KIAA0825: variants seen among roughly 807,000 people sequenced by gnomAD.
KIAA0825 encodes uncharacterized protein KIAA0825.
In KIAA0825, 119 loss-of-function variants were observed where a neutral mutation model predicts 147.6. The observed-to-expected ratio is 0.81, with a 90% confidence interval of 0.69 to 0.94. KIAA0825 has a LOEUF of 0.94. Ranked by LOEUF, KIAA0825 falls within the 40% of genes least tolerant of loss-of-function variation. The probability of loss-of-function intolerance (pLI) is 0.00; values close to 1 mark genes in which losing one functional copy is unlikely to be tolerated. For synonymous variants in KIAA0825, 470 were observed against 518.1 expected (o/e 0.91, Z 1.26); for missense variants, 1,381 against 1,472.7 (o/e 0.94, Z 1.02).
intron 20 of KIAA0825, among the ~76,000 whole-genome samples, chr5:94,162,335 T>C (rs919666530): frequency 2.0e-5 from 3 of 152,204 alleles, no homozygotes; most frequent in Admixed American, 1.3e-4. Context: ...GGTCTCACTC[T>C]GTTGCCCAGG....
At chr5:94,258,426 G>A (rs1776344967) in intron 20 of KIAA0825, among the ~76,000 whole-genome samples, 1 of 151,936 alleles carries the variant, frequency 6.6e-6, no homozygotes, top group Non-Finnish European at 1.5e-5. Context: ...TAAGGCATTT[G>A]CCAATAGAAT....
At chr5:94,364,770 G>GATT (rs1745593020) in intron 20 of KIAA0825, among the ~76,000 whole-genome samples, 1 of 152,134 alleles carries the variant, frequency 6.6e-6, no homozygotes, top group Admixed American at 6.6e-5. Flanking sequence ...GATAGTGAGG[G>GATT]TAATGAAGTC....
At chr5:94,205,987 T>A (rs1772163743) in intron 20 of KIAA0825, among the ~76,000 whole-genome samples, 1 of 152,216 alleles carries the variant, frequency 6.6e-6, no homozygotes, top group African/African-American at 2.4e-5. Flanking sequence ...TGTTAGTTTT[T>A]TTGTTCCGTT....
intron 15 of KIAA0825, among the ~76,000 whole-genome samples, chr5:94,404,987 TAACA>T (rs2150634998): frequency 6.6e-6 from 1 of 152,186 alleles, no homozygotes; most frequent in East Asian, 1.9e-4. Context: ...AAGAAGAAAA[TAACA>T]AATACTTCAC....
chr5:94,593,189 C>T (rs1784654986), intron 1 of KIAA0825: 3 of 752,068 alleles, frequency 4.0e-6, no homozygotes, highest in Non-Finnish European at 7.5e-6. Flanking sequence ...GCACTAGTTA[C>T]AGAAGCATGG....
At chr5:94,528,182 G>A (rs919246264) in intron 3 of KIAA0825, among the ~76,000 whole-genome samples, 10 of 152,054 alleles carry the variant, frequency 6.6e-5, no homozygotes, top group African/African-American at 1.2e-4. Context: ...TTTCTCATAC[G>A]TATCCTTTCC....
chr5:94,498,894 T>C (rs1340640568), intron 5 of KIAA0825, among the ~76,000 whole-genome samples: 3 of 152,200 alleles, frequency 2.0e-5, no homozygotes, highest in Non-Finnish European at 4.4e-5. Context: ...TTCTTTACAC[T>C]AAAATCTCCC....
intron 20 of KIAA0825, among the ~76,000 whole-genome samples, chr5:94,306,741 G>A (rs990710223): frequency 3.3e-5 from 5 of 151,686 alleles, no homozygotes; most frequent in Non-Finnish European, 7.4e-5. Context: ...TAACAATACC[G>A]AGCAATACTG....
chr5:94,464,243 A>G (rs905417481), intron 11 of KIAA0825, among the ~76,000 whole-genome samples: 1 of 152,144 alleles, frequency 6.6e-6, no homozygotes, highest in Non-Finnish European at 1.5e-5. Context: ...CACAATTCAT[A>G]TATTCATTGC....
At chr5:94,328,554 A>G (rs1222348860) in intron 20 of KIAA0825, among the ~76,000 whole-genome samples, 1 of 152,120 alleles carries the variant, frequency 6.6e-6, no homozygotes, top group Non-Finnish European at 1.5e-5. Context: ...ATCAGCATGT[A>G]CTACTTTTAA....
chr5:94,318,574 T>C (rs897201784), intron 20 of KIAA0825, among the ~76,000 whole-genome samples: 5 of 151,818 alleles, frequency 3.3e-5, no homozygotes, highest in South Asian at 2.1e-4. Context: ...CCACCAATTA[T>C]TGGAGACTAG....
intron 1 of KIAA0825, among the ~76,000 whole-genome samples, chr5:94,601,516 C>T (rs1445822459): frequency 6.6e-6 from 1 of 152,158 alleles, no homozygotes; most frequent in Non-Finnish European, 1.5e-5. Context: ...GACCACATCA[C>T]CTTTCCAGCA....
At chr5:94,314,120 A>G (rs1584082503) in intron 20 of KIAA0825, among the ~76,000 whole-genome samples, 1 of 151,666 alleles carries the variant, frequency 6.6e-6, no homozygotes, top group South Asian at 2.1e-4. Flanking sequence ...AGAAAAAAGA[A>G]GGATCTATTA....
At position 94,302,992 on chromosome 5, in the gene KIAA0825, G is replaced by A. The variant is rs776496758; in HGVS notation, c.3710+81376C>T. 2.0e-5 allele frequency among the ~76,000 whole-genome samples: 3 copies of A among 152,046 alleles called. No individual in the cohort carries two copies. In the South Asian group the frequency reaches 6.2e-4, roughly 32 times the overall value. On this transcript the variant is annotated intron_variant, in intron 20 of 20. Transcript: ENST00000682413. ...TTATTCTTACTTTTAAAAAGAAGATGTTCATAAGAAGCACTTCAACACTAG... is the reference window on the plus strand; with the variant it reads ...TTATTCTTACTTTTAAAAAGAAGATATTCATAAGAAGCACTTCAACACTAG...
chr5:94,563,906 G>A (rs376774925), intron 2 of KIAA0825, among the ~76,000 whole-genome samples: 1 of 152,040 alleles, frequency 6.6e-6, no homozygotes, highest in African/African-American at 2.4e-5. Context: ...GACTGATCTC[G>A]AACTCCTGAC....
intron 2 of KIAA0825, chr5:94,569,491 G>T: frequency 2.4e-6 from 1 of 410,322 alleles, no homozygotes; most frequent in South Asian, 1.3e-4. Flanking sequence ...CTACAACCAC[G>T]ACCAATGATA....
chr5:94,532,258 C>A (rs1164518694), intron 3 of KIAA0825, among the ~76,000 whole-genome samples: 4 of 152,146 alleles, frequency 2.6e-5, no homozygotes, highest in African/African-American at 9.7e-5. Context: ...AGCGATCCTT[C>A]CACCTCAGCA....
chr5:94,577,664 T>A (rs1781329551), intron 2 of KIAA0825, among the ~76,000 whole-genome samples: 1 of 152,198 alleles, frequency 6.6e-6, no homozygotes, highest in South Asian at 2.1e-4. Flanking sequence ...CACACATAGG[T>A]ATATTTCTGA....
At chr5:94,513,495 T>C (rs1766789257) in intron 5 of KIAA0825, among the ~76,000 whole-genome samples, 1 of 152,162 alleles carries the variant, frequency 6.6e-6, no homozygotes, top group African/African-American at 2.4e-5. Context: ...CAGTTTGGTG[T>C]TTGCTAATTC....
Sources: gnomAD v4.1 joint callset for allele counts (sites outside exome capture counted in the v4.1 genomes callset) on GRCh38, gnomAD v4.1.1 for gene constraint, MANE v1.5 for transcripts, NCBI Gene and HGNC (gene_info 2026-07-23, HGNC 2026-07-21) for gene names.